The following SORBS2 variants were observed in gnomAD, a reference collection of about 807,000 sequenced individuals.
SORBS2 encodes the protein sorbin and SH3 domain-containing protein 2.
SORBS2 carries 46 observed loss-of-function variants against 97.7 expected under a neutral mutation model. The observed-to-expected ratio is 0.47, with a 90% CI of 0.37 to 0.60. The LOEUF is 0.60. SORBS2 is among the 20% of genes least tolerant of loss of function. The pLI is 0.00. For missense variants in SORBS2, 1,316 were observed against 1,282.3 expected (o/e 1.03, Z -0.40); for synonymous variants, 476 against 473.4 (o/e 1.01, Z -0.07).
At chr4:185,776,503 G>T (rs960280952) in intron 1 of SORBS2, among the ~76,000 whole-genome samples, 5 of 152,086 alleles carry the variant, frequency 3.3e-5, no homozygotes, top group Middle Eastern at 3.4e-3. Context: ...GAAATCCCTG[G>T]TTTTTTTCAA....
At chr4:185,835,200 T>G (rs1230977311) in intron 1 of SORBS2, among the ~76,000 whole-genome samples, 3 of 152,204 alleles carry the variant, frequency 2.0e-5, no homozygotes, top group African/African-American at 7.2e-5. Context: ...TGTGGAACTG[T>G]GAGCCAATTA....
At chr4:185,780,006 C>CTT (rs1584706530) in intron 1 of SORBS2, among the ~76,000 whole-genome samples, 3 of 124,882 alleles carry the variant, frequency 2.4e-5, no homozygotes, top group East Asian at 3.4e-4. Context: ...AGTAGAGTAA[C>CTT]ATTTTTTTTT....
intron 1 of SORBS2, among the ~76,000 whole-genome samples, chr4:185,906,554 T>C (rs2099250954): frequency 1.3e-5 from 2 of 152,202 alleles, no homozygotes; most frequent in Admixed American, 6.5e-5. Context: ...AATAAACACA[T>C]ACTGAAATCA....
At position 185,591,595 on chromosome 4, in the gene SORBS2, G is replaced by T. The variant is rs78331046; in HGVS notation, c.2847-1810C>A. ...TTGTGTATCTGTGGGGAAAGTTCAC[G>T]GTCCCTTTTCCAGTTTCACATTTGA... On this transcript the variant is annotated intron_variant, in intron 13 of 14. Coordinates refer to ENST00000418609, the Ensembl canonical transcript of SORBS2. 1.6e-4 allele frequency among the ~76,000 whole-genome samples: 24 copies of T among 152,248 alleles called. No homozygotes were observed. The East Asian group carries it at 4.4e-3, about 28-fold the overall frequency.
At chr4:185,863,168 G>A (rs1391867) in intron 1 of SORBS2, among the ~76,000 whole-genome samples, 31,187 of 152,056 alleles carry the variant, frequency 0.21, 3,550 homozygotes, top group African/African-American at 0.31. Context: ...GGGGAAACAC[G>A]GCATTAAACA....
intron 1 of SORBS2, chr4:185,656,486 C>G: frequency 2.2e-6 from 1 of 446,412 alleles, no homozygotes; most frequent in Non-Finnish European, 4.0e-6. Flanking sequence ...TTGCCTCTAT[C>G]CCTTATTGTC....
At chr4:185,892,986 T>C (rs10022636) in intron 1 of SORBS2, among the ~76,000 whole-genome samples, 5,306 of 152,136 alleles carry the variant, frequency 0.035, 275 homozygotes, top group African/African-American at 0.11. Flanking sequence ...ATTATAGCCT[T>C]GAAAAAAACA....
intron 1 of SORBS2, among the ~76,000 whole-genome samples, chr4:185,799,763 AAC>A (rs1428173078): frequency 6.6e-6 from 1 of 152,194 alleles, no homozygotes; most frequent in Non-Finnish European, 1.5e-5. Flanking sequence ...ATCAACATCC[AAC>A]ACACGTGCCT....
At chr4:185,926,550 GT>G (rs869067285) in intron 1 of SORBS2, among the ~76,000 whole-genome samples, 3 of 134,560 alleles carry the variant, frequency 2.2e-5, no homozygotes, top group Non-Finnish European at 5.1e-5. Context: ...TCAAGTTGTG[GT>G]TTTGTTTTTT....
intron 4 of SORBS2, among the ~76,000 whole-genome samples, chr4:185,676,455 A>C (rs1006979227): frequency 6.6e-6 from 1 of 152,228 alleles, no homozygotes; most frequent in African/African-American, 2.4e-5. Flanking sequence ...TGGATAATAA[A>C]AGTTGGCTAA....
intron 1 of SORBS2, among the ~76,000 whole-genome samples, chr4:185,830,907 AGGC>A (rs1318698831): frequency 6.6e-6 from 1 of 152,162 alleles, no homozygotes; most frequent in Non-Finnish European, 1.5e-5. Context: ...TCTGCTAGAA[AGGC>A]CCAGAGCTAA....
At position 185,917,905 on chromosome 4, in the gene SORBS2, A is replaced by T. The variant is rs1206155791; in HGVS notation, c.-338+38291T>A. Among the ~76,000 whole-genome samples, 3 of 152,150 alleles carry T rather than the reference A, an allele frequency of 2.0e-5. No homozygotes were observed. The East Asian group carries it at 5.8e-4, about 29-fold the overall frequency. The stretch of plus-strand genomic sequence containing the variant: ...AGGAAAAACAGTTTGTGTTTTTTCC[A>T]CTCAGATTGAGAAACCCTGACTGTC... On this transcript the variant is annotated intron_variant, in intron 1 of 20. Coordinates refer to the SORBS2 transcript ENST00000284776.
chr4:185,862,624 C>T (rs1371348899), intron 1 of SORBS2, among the ~76,000 whole-genome samples: 1 of 152,228 alleles, frequency 6.6e-6, no homozygotes, highest in Non-Finnish European at 1.5e-5. Context: ...TGAAGGCAGC[C>T]ACTGCCTGTG....
intron 1 of SORBS2, among the ~76,000 whole-genome samples, chr4:185,863,355 G>A (rs535020269): frequency 6.6e-6 from 1 of 152,318 alleles, no homozygotes; most frequent in South Asian, 2.1e-4. Context: ...CAGTTAGGGA[G>A]ACAGGTACAT....
intron 1 of SORBS2, among the ~76,000 whole-genome samples, chr4:185,797,434 A>G (rs1201814973): frequency 6.6e-6 from 1 of 152,176 alleles, no homozygotes; most frequent in Non-Finnish European, 1.5e-5. Flanking sequence ...CTCTGTAAAG[A>G]AGCTCCAATG....
intron 2 of SORBS2, among the ~76,000 whole-genome samples, chr4:185,729,965 T>C (rs2098601778): frequency 6.6e-6 from 1 of 152,196 alleles, no homozygotes; most frequent in South Asian, 2.1e-4. Flanking sequence ...TTTTTTCTTT[T>C]TTTTTGAGAT....
At chr4:185,649,378 G>T in intron 3 of SORBS2, 89 bp downstream of exon 12, 1 of 1,049,860 alleles carries the variant, frequency 9.5e-7, no homozygotes, top group Non-Finnish European at 1.3e-6. Flanking sequence ...TCTCTCTGTG[G>T]CAGGTGCACT....
chr4:185,891,422 G>C (rs2099242447), intron 1 of SORBS2, among the ~76,000 whole-genome samples: 1 of 152,150 alleles, frequency 6.6e-6, no homozygotes, highest in Admixed American at 6.5e-5. Flanking sequence ...GAGAATGAGG[G>C]ACCTGAATTA....
At chr4:185,885,524 A>G (rs1157412623) in intron 1 of SORBS2, among the ~76,000 whole-genome samples, 1 of 152,216 alleles carries the variant, frequency 6.6e-6, no homozygotes, top group Non-Finnish European at 1.5e-5. Context: ...TGCATTGCCA[A>G]TGACAGCTCA....
Sources: gnomAD v4.1 joint callset for allele counts (sites outside exome capture counted in the v4.1 genomes callset) on GRCh38, gnomAD v4.1.1 for gene constraint, MANE v1.5 for transcripts, NCBI Gene and HGNC (gene_info 2026-07-23, HGNC 2026-07-21) for gene names.